PTPRD: variants seen among roughly 807,000 people sequenced by gnomAD.
The protein encoded by PTPRD is protein tyrosine phosphatase receptor type D, also known as receptor-type tyrosine-protein phosphatase delta.
A neutral mutation model predicts 214.5 loss-of-function variants in PTPRD; 34 were observed. The ratio of observed to expected loss-of-function variants is 0.16; its 90% CI spans 0.12 to 0.21. PTPRD has a LOEUF of 0.21. Ranked by LOEUF, PTPRD falls within the 10% of genes least tolerant of loss-of-function variation. The pLI, the probability that PTPRD is intolerant of heterozygous loss-of-function variation, is 1.00. For missense variants in PTPRD, 2,545 were observed against 2,398.7 expected, an observed-to-expected ratio of 1.06 and a Z score of -1.27; for synonymous variants, 1,128 against 845.7, an observed-to-expected ratio of 1.33 and a Z score of -5.79.
At chr9:8,671,972 A>T (rs2097297200) in intron 12 of PTPRD, among the ~76,000 whole-genome samples, 1 of 152,230 alleles carries the variant, frequency 6.6e-6, no homozygotes, top group Non-Finnish European at 1.5e-5. Context: ...AAAGGTAAAC[A>T]TCTCACGAGT....
intron 8 of PTPRD, among the ~76,000 whole-genome samples, chr9:9,550,975 T>C (rs988000434): frequency 6.6e-6 from 1 of 151,968 alleles, no homozygotes; most frequent in Admixed American, 6.6e-5. Flanking sequence ...ACTGTATCAC[T>C]CATGAATTGC....
At chr9:8,647,817 T>C (rs542271408) in intron 12 of PTPRD, among the ~76,000 whole-genome samples, 1 of 152,330 alleles carries the variant, frequency 6.6e-6, no homozygotes, top group Middle Eastern at 3.4e-3. Context: ...CATATTTTTA[T>C]CCACTGTCCA....
chr9:8,880,770 A>G lies in PTPRD; in HGVS notation c.-104+137927T>C, dbSNP rs558888893. Among the ~76,000 whole-genome samples the G allele has an allele frequency of 1.5e-4, 23 of 152,234 alleles. No individual in the cohort carries two copies. In the South Asian group the frequency reaches 2.5e-3, roughly 16 times the overall value. ...GTAGTTGGTTTCATTTGCCTATAAT[A>G]TTATCTCTATGGTGTTTTCTTTTTT... On this transcript the variant is annotated intron_variant, in intron 11 of 45. Coordinates refer to ENST00000381196, the MANE Select transcript of PTPRD (RefSeq NM_002839.4).
At chr9:8,527,475 ATAAT>A (rs1409812090) in intron 15 of PTPRD, 122 bp from the exon 16 acceptor site, 4 of 841,896 alleles carry the variant, frequency 4.8e-6, no homozygotes, top group Admixed American at 2.3e-5. Context: ...TTACATGTGA[ATAAT>A]TAATTCTTCA....
intron 10 of PTPRD, among the ~76,000 whole-genome samples, chr9:9,153,650 G>A (rs2099878748): frequency 1.3e-5 from 2 of 152,126 alleles, no homozygotes; most frequent in South Asian, 4.1e-4. Flanking sequence ...TTTAGCTAAA[G>A]TGTCTAGGTC....
intron 10 of PTPRD, among the ~76,000 whole-genome samples, chr9:9,141,724 C>G (rs1484630398): frequency 1.3e-5 from 2 of 149,922 alleles, no homozygotes; most frequent in African/African-American, 2.4e-5. Flanking sequence ...TGGTATATAC[C>G]TAATGTAAAC....
intron 2 of PTPRD, among the ~76,000 whole-genome samples, chr9:10,589,184 A>G (rs2074754714): frequency 6.6e-6 from 1 of 152,088 alleles, no homozygotes; most frequent in Admixed American, 6.6e-5. Flanking sequence ...ATTAACCTAT[A>G]AAAGGATTTC....
At chr9:9,944,602 A>G (rs932657601) in intron 4 of PTPRD, among the ~76,000 whole-genome samples, 1 of 152,120 alleles carries the variant, frequency 6.6e-6, no homozygotes, top group Non-Finnish European at 1.5e-5. Context: ...AGGCATGTGT[A>G]TAACTGGGTG....
chr9:9,599,271 T>G (rs926022655), intron 7 of PTPRD, among the ~76,000 whole-genome samples: 2 of 152,056 alleles, frequency 1.3e-5, no homozygotes, highest in African/African-American at 4.8e-5. Flanking sequence ...CTTCCGATGC[T>G]CGTTAGGAAT....
intron 2 of PTPRD, among the ~76,000 whole-genome samples, chr9:10,606,115 T>G (rs914762309): frequency 6.6e-6 from 1 of 151,754 alleles, no homozygotes; most frequent in Non-Finnish European, 1.5e-5. Flanking sequence ...AAACTGTCCT[T>G]CTCAATGGTT....
At chr9:10,105,765 C>CAAAAACAGTACAAGTGA (rs2098622522) in intron 3 of PTPRD, among the ~76,000 whole-genome samples, 1 of 151,566 alleles carries the variant, frequency 6.6e-6, no homozygotes, top group Non-Finnish European at 1.5e-5. Context: ...ATTTTTATTT[C>CAAAAACAGTACAAGTGA]AAAAACAGTA....
chr9:9,747,694 C>T (rs1262289590), intron 6 of PTPRD, among the ~76,000 whole-genome samples: 1 of 151,794 alleles, frequency 6.6e-6, no homozygotes, highest in African/African-American at 2.4e-5. Context: ...TTACAGGTAC[C>T]CACCACCACA....
At chr9:9,192,452 T>C (rs912150894) in intron 9 of PTPRD, among the ~76,000 whole-genome samples, 1 of 152,116 alleles carries the variant, frequency 6.6e-6, no homozygotes, top group Non-Finnish European at 1.5e-5. Context: ...GTGATTATAA[T>C]TGTTTTTACA....
chr9:9,586,037 A>C (rs1356121922), intron 7 of PTPRD, among the ~76,000 whole-genome samples: 1 of 152,012 alleles, frequency 6.6e-6, no homozygotes, highest in East Asian at 1.9e-4. Context: ...CAGTGACCTG[A>C]AAATGTCCCC....
intron 3 of PTPRD, among the ~76,000 whole-genome samples, chr9:10,145,114 T>A (rs1345780758): frequency 6.6e-6 from 1 of 152,082 alleles, no homozygotes; most frequent in African/African-American, 2.4e-5. Context: ...CCTGTGACAA[T>A]GAATATTAGA....
chr9:9,944,343 C>T (rs906431222), intron 4 of PTPRD, among the ~76,000 whole-genome samples: 6 of 152,078 alleles, frequency 3.9e-5, no homozygotes, highest in Admixed American at 6.6e-5. Context: ...AACATTTATT[C>T]ATTATTTCCA....
At chr9:10,332,779 C>CT (rs1349830641) in intron 3 of PTPRD, among the ~76,000 whole-genome samples, 1 of 151,702 alleles carries the variant, frequency 6.6e-6, no homozygotes, top group Non-Finnish European at 1.5e-5. Context: ...GTGAAAGAGT[C>CT]TGTCTTTTTA....
Position 9,425,938 on chromosome 9 carries a change from T to C in PTPRD, c.-236-28456A>G, listed in dbSNP as rs771407186. Among the ~76,000 whole-genome samples, 54 of 152,202 alleles carry C rather than the reference T, an allele frequency of 3.5e-4. 1 individual carries two copies. Among genetic ancestry groups the C allele is most frequent in the Middle Eastern group, 3.4e-3 (1 of 294 alleles). On this transcript the variant is annotated intron_variant, in intron 8 of 45. Coordinates refer to ENST00000381196, the MANE Select transcript of PTPRD (RefSeq NM_002839.4). ...AGAAACACTGGGGGAGGTTCCAAGATGGCCGAATAGGAACAGCTCCAGTCT... is the reference window on the plus strand; with the variant it reads ...AGAAACACTGGGGGAGGTTCCAAGACGGCCGAATAGGAACAGCTCCAGTCT...
intron 11 of PTPRD, among the ~76,000 whole-genome samples, chr9:8,914,699 A>C (rs1482312607): frequency 3.3e-5 from 5 of 152,302 alleles, no homozygotes; most frequent in Middle Eastern, 6.8e-3. Context: ...ATGCTTACGA[A>C]AGCATAATTT....
Sources: allele counts gnomAD v4.1 joint callset (sites outside exome capture counted in the v4.1 genomes callset), GRCh38; gene constraint gnomAD v4.1.1; transcripts MANE v1.5; gene names NCBI Gene and HGNC (gene_info 2026-07-23, HGNC 2026-07-21).